The following NETO2 variants were observed in gnomAD, a reference collection of about 807,000 sequenced individuals.
NETO2 encodes the protein neuropilin and tolloid like 2, also known as neuropilin and tolloid-like protein 2.
Under a neutral mutation model 62.5 loss-of-function variants are expected in NETO2, and 28 were observed. The ratio of observed to expected loss-of-function variants is 0.45; its 90% confidence interval spans 0.33 to 0.61. NETO2 has a LOEUF of 0.61. Among genes scored for constraint, NETO2 ranks in the 20% least tolerant of loss-of-function variants. The pLI is 0.02. For synonymous variants in NETO2, 214 were observed against 219.1 expected, an observed-to-expected ratio of 0.98 and a Z score of 0.21; for missense variants, 548 against 643.2, an observed-to-expected ratio of 0.85 and a Z score of 1.60.
chr16:47,118,512 T>C (rs1245454762), intron 6 of NETO2, among the ~76,000 whole-genome samples: 1 of 152,198 alleles, frequency 6.6e-6, no homozygotes, highest in Non-Finnish European at 1.5e-5. Flanking sequence ...CTGTTGTGAG[T>C]TCTGATTAAG....
rs1370323633 is a variant in NETO2, at chr16:47,132,987, A to C, written c.35-962T>G. 1.1e-4 allele frequency among the ~76,000 whole-genome samples: 17 copies of C among 152,344 alleles called. No individual in the cohort carries two copies. In the East Asian group the frequency reaches 3.3e-3, roughly 29 times the overall value. On this transcript the variant is annotated intron_variant, in intron 1 of 8. Coordinates refer to ENST00000562435, the MANE Select transcript of NETO2 (RefSeq NM_018092.5). Reference sequence around the variant, plus strand: ...AGGTCAACCTCATTGGTGGTTGTGAAGATTAAATGAGATAATGTATATAGT... The same window carrying C: ...AGGTCAACCTCATTGGTGGTTGTGACGATTAAATGAGATAATGTATATAGT...
intron 7 of NETO2, among the ~76,000 whole-genome samples, chr16:47,107,021 A>T (rs1405253759): frequency 6.6e-6 from 1 of 152,156 alleles, no homozygotes; most frequent in Non-Finnish European, 1.5e-5. Context: ...ACCTCAAGTG[A>T]TCCGCCGACC....
At chr16:47,131,627 T>G (rs1964268082) in intron 2 of NETO2, among the ~76,000 whole-genome samples, 1 of 152,238 alleles carries the variant, frequency 6.6e-6, no homozygotes, top group African/African-American at 2.4e-5. Flanking sequence ...GAATAAGATA[T>G]TAATTGAAGT....
intron 6 of NETO2, among the ~76,000 whole-genome samples, chr16:47,114,778 G>A (rs946612654): frequency 8.6e-5 from 13 of 151,684 alleles, no homozygotes; most frequent in African/African-American, 2.4e-4. Flanking sequence ...ATACTCTTTC[G>A]GTGTTGCATC....
intron 3 of NETO2, 70 bp from the exon 4 acceptor site, chr16:47,128,643 A>G (rs1042594164): frequency 5.2e-5 from 79 of 1,518,040 alleles, no homozygotes; most frequent in Non-Finnish European, 6.9e-5. Flanking sequence ...GACACAAATG[A>G]GAAAAGCAGA....
intron 4 of NETO2, among the ~76,000 whole-genome samples, chr16:47,125,982 A>T (rs1045200964): frequency 6.6e-6 from 1 of 151,850 alleles, no homozygotes; most frequent in African/African-American, 2.4e-5. Context: ...TTAAACATTA[A>T]CTCCCCTTCC....
Position 47,079,705 on chromosome 16 carries a change from G to C in NETO2, c.*3516C>G, listed in dbSNP as rs935593195. 1.5e-4 allele frequency: 23 copies of C among 152,174 alleles called. No homozygotes were observed. Among genetic ancestry groups the C allele is most frequent in the African/African-American group, 5.3e-4 (22 of 41,422 alleles). 9.4% of individuals were successfully genotyped at this position (152,174 alleles called of 1,614,324 possible). A position where few individuals can be genotyped will look rare whatever the true frequency, so the allele number is the denominator to read the frequency against. On this transcript the variant is annotated 3_prime_UTR_variant, in exon 9 of 9. Transcript: ENST00000562435. Reference sequence around the variant, plus strand: ...ACTTGGGCTAGATAGGTCTTTCTTGGATCTTTAAAACCACCAAAAACTCAA... The same window carrying C: ...ACTTGGGCTAGATAGGTCTTTCTTGCATCTTTAAAACCACCAAAAACTCAA...
chr16:47,116,047 T>C (rs1279202899), intron 6 of NETO2, among the ~76,000 whole-genome samples: 2 of 152,060 alleles, frequency 1.3e-5, no homozygotes, highest in Non-Finnish European at 2.9e-5. Flanking sequence ...CAACTTCTAG[T>C]ATAACATTGA....
chr16:47,105,039 T>A (rs1963642308), intron 7 of NETO2, among the ~76,000 whole-genome samples: 1 of 151,974 alleles, frequency 6.6e-6, no homozygotes, highest in Admixed American at 6.6e-5. Flanking sequence ...TTCTTTTTTT[T>A]ACTTTTTTAA....
At chr16:47,139,541 C>G (rs956914843) in intron 1 of NETO2, among the ~76,000 whole-genome samples, 1 of 152,152 alleles carries the variant, frequency 6.6e-6, no homozygotes, top group Non-Finnish European at 1.5e-5. Flanking sequence ...TGCTCATTAC[C>G]ATTTCCTATA....
At chr16:47,110,087 A>G (rs1026263718) in intron 6 of NETO2, among the ~76,000 whole-genome samples, 1 of 152,148 alleles carries the variant, frequency 6.6e-6, no homozygotes, top group African/African-American at 2.4e-5. Flanking sequence ...TTAATTGGTG[A>G]GTTTCTTTTC....
intron 1 of NETO2, 101 bp downstream of exon 1, chr16:47,143,478 G>A: frequency 3.4e-6 from 4 of 1,182,026 alleles, no homozygotes; most frequent in Non-Finnish European, 4.2e-6. Context: ...GAGGCGCGTC[G>A]GGTCCCGGGC....
chr16:47,121,301 C>T (rs192377281), intron 6 of NETO2, among the ~76,000 whole-genome samples: 153 of 152,172 alleles, frequency 1.0e-3, no homozygotes, highest in Non-Finnish European at 1.9e-3. Flanking sequence ...TTAGAATCTG[C>T]GGGCTGTGAG....
At chr16:47,108,887 A>C (rs897296038) in intron 7 of NETO2, among the ~76,000 whole-genome samples, 1 of 152,222 alleles carries the variant, frequency 6.6e-6, no homozygotes, top group African/African-American at 2.4e-5. Flanking sequence ...GTAAGTTTAA[A>C]GTTATTTAAA....
chr16:47,086,615 AT>A lies in NETO2; in HGVS notation c.884-277del, dbSNP rs939158912. On this transcript the variant is annotated intron_variant, in intron 7 of 8. Coordinates refer to ENST00000562435, the MANE Select transcript of NETO2 (RefSeq NM_018092.5). The stretch of plus-strand genomic sequence containing the variant: ...ATGGAACCAGTATACAGTCTGGTAG[AT>A]TTTTTTTTCCAAAACTTTGAAAGAC... Among the ~76,000 whole-genome samples the A allele has an allele frequency of 6.6e-5, 10 of 151,862 alleles. No homozygotes were observed. The South Asian group carries it at 1.0e-3, about 16-fold the overall frequency.
chr16:47,141,303 G>C (rs1222838836), intron 1 of NETO2, among the ~76,000 whole-genome samples: 1 of 152,142 alleles, frequency 6.6e-6, no homozygotes, highest in Admixed American at 6.5e-5. Flanking sequence ...GAACCTCTTT[G>C]ATGTTAAAGC....
chr16:47,127,909 T>G (rs1964189392), intron 4 of NETO2, among the ~76,000 whole-genome samples: 1 of 152,222 alleles, frequency 6.6e-6, no homozygotes, highest in South Asian at 2.1e-4. Context: ...GCTCAATATA[T>G]TCTAGAGTAT....
At chr16:47,138,727 C>T (rs960351731) in intron 1 of NETO2, among the ~76,000 whole-genome samples, 1 of 152,208 alleles carries the variant, frequency 6.6e-6, no homozygotes, top group Admixed American at 6.5e-5. Context: ...AATCAGATCA[C>T]ATCACAGCCT....
Position 47,093,503 on chromosome 16 carries a change from C to T in NETO2, c.884-7164G>A, listed in dbSNP as rs141088469. Among the ~76,000 whole-genome samples, 22 of 152,276 alleles carry T rather than the reference C, an allele frequency of 1.4e-4. No homozygotes were observed. In the East Asian group the frequency reaches 4.2e-3, roughly 29 times the overall value. On this transcript the variant is annotated intron_variant, in intron 7 of 8. Transcript: ENST00000562435. The stretch of plus-strand genomic sequence containing the variant: ...TGCCTAGGTCACCTTACCTAACTGA[C>T]TGGAAAACCCTTTAGGGCAGGTACT...
Sources: allele counts gnomAD v4.1 joint callset (sites outside exome capture counted in the v4.1 genomes callset), GRCh38; gene constraint gnomAD v4.1.1; transcripts MANE v1.5; gene names NCBI Gene and HGNC (gene_info 2026-07-23, HGNC 2026-07-21).